ABLIM3: variants seen among roughly 807,000 people sequenced by gnomAD.
The protein encoded by ABLIM3 is actin binding LIM protein family member 3.
In ABLIM3, 61 loss-of-function variants were observed where a neutral mutation model predicts 109.5. That is an observed-to-expected ratio of 0.56 (90% CI 0.45 to 0.69). The LOEUF (loss-of-function observed/expected upper bound fraction) is 0.69. Ranked by LOEUF, ABLIM3 falls within the 30% of genes least tolerant of loss-of-function variation. The pLI, the probability that ABLIM3 is intolerant of heterozygous loss-of-function variation, is 0.00. For synonymous variants in ABLIM3, 300 were observed against 324.8 expected (o/e 0.92, Z 0.82); for missense variants, 796 against 889.5 (o/e 0.89, Z 1.34).
rs1241244264 is a variant in ABLIM3 at position 149,192,112 on chromosome 5, C to T, written c.152-6107C>T. On this transcript the variant is annotated intron_variant, in intron 3 of 23. Coordinates refer to ENST00000309868, the MANE Select transcript of ABLIM3 (RefSeq NM_014945.5). ...TGAAGGCATTCTCTAAGATCAGGAA[C>T]AAGATAGAGGTGCTCACTGTCATGA... Among the ~76,000 whole-genome samples the T allele has an allele frequency of 2.0e-5, 3 of 151,994 alleles. No individual in the cohort carries two copies. The East Asian group carries it at 5.8e-4, about 29-fold the overall frequency.
At position 149,210,736 on chromosome 5, in the gene ABLIM3, C is replaced by T; in HGVS notation, c.586C>T (p.Pro196Ser). ...TGEYISKDGV[P>S]YCESDYHAQF... is the part of the protein sequence containing the mutation. ...AACTTCTTCTTGCAGGGATGGTGTT[C>T]CATACTGTGAGTCCGACTACCATGC... Residue 196 changes from proline (P) to serine (S), a missense_variant, in exon 7 of 24, where the codon CCA becomes TCA. Coordinates refer to ENST00000309868, the MANE Select transcript of ABLIM3 (RefSeq NM_014945.5). 6.2e-7 allele frequency: 1 copy of T among 1,613,986 alleles called. No individual in the cohort carries two copies. Among genetic ancestry groups the T allele is most frequent in the African/African-American group, 1.3e-5 (1 of 75,026 alleles).
intron 2 of ABLIM3, among the ~76,000 whole-genome samples, chr5:149,164,894 C>A (rs1403063828): frequency 1.3e-5 from 2 of 152,182 alleles, no homozygotes; most frequent in East Asian, 3.8e-4. Flanking sequence ...ACAGCCTGGA[C>A]TCTAACTTGA....
intron 2 of ABLIM3, among the ~76,000 whole-genome samples, chr5:149,178,025 C>G (rs534510654): frequency 6.6e-6 from 1 of 152,284 alleles, no homozygotes; most frequent in Admixed American, 6.5e-5. Flanking sequence ...GCATCCATTC[C>G]TTACCCGCTG....
chr5:149,255,756 A>G (rs891978740), intron 23 of ABLIM3, among the ~76,000 whole-genome samples: 1 of 152,234 alleles, frequency 6.6e-6, no homozygotes, highest in African/African-American at 2.4e-5. Context: ...GAGCACAACA[A>G]AGATGAGGAG....
intron 2 of ABLIM3, among the ~76,000 whole-genome samples, chr5:149,152,174 C>A (rs759020502): frequency 5.9e-5 from 9 of 152,138 alleles, no homozygotes; most frequent in Admixed American, 1.3e-4. Flanking sequence ...GGATTGCCTG[C>A]TTTGGATGGG....
Position 149,252,117 on chromosome 5 carries a change from G to C in ABLIM3, c.1850-84G>C, listed in dbSNP as rs912265168. On this transcript the variant is annotated intron_variant, in intron 21 of 23. Coordinates refer to ENST00000309868, the MANE Select transcript of ABLIM3 (RefSeq NM_014945.5). ...ACAATAGAGGCCAGACCCCCTGAGAGAGTAGGACAGAGGCCTGTGTAGTGA... is the reference window on the plus strand; with the variant it reads ...ACAATAGAGGCCAGACCCCCTGAGACAGTAGGACAGAGGCCTGTGTAGTGA... 6.6e-6 allele frequency: 10 copies of C among 1,514,028 alleles called. No homozygotes were observed. In the East Asian group the frequency reaches 2.3e-4, roughly 34 times the overall value. 93.8% of individuals were successfully genotyped at this position (1,514,028 alleles called of 1,614,324 possible). A position where few individuals can be genotyped will look rare whatever the true frequency, so the allele number is the denominator to read the frequency against.
chr5:149,142,571 C>T (rs1752571663), intron 2 of ABLIM3, among the ~76,000 whole-genome samples: 1 of 152,162 alleles, frequency 6.6e-6, no homozygotes, highest in African/African-American at 2.4e-5. Flanking sequence ...GTTTGATAAA[C>T]AAATAATCGC....
chr5:149,245,148 G>A (rs1753224834), intron 16 of ABLIM3, 133 bp downstream of exon 16: 4 of 1,250,686 alleles, frequency 3.2e-6, no homozygotes, highest in Non-Finnish European at 4.4e-6. Flanking sequence ...AACTAAGGGT[G>A]TTTATTCATT....
At chr5:149,242,643 G>A in intron 15 of ABLIM3, 105 bp downstream of exon 15, 1 of 1,223,092 alleles carries the variant, frequency 8.2e-7, no homozygotes, top group Non-Finnish European at 1.2e-6. Context: ...AAAACACAAG[G>A]CTGCATCTTG....
intron 2 of ABLIM3, among the ~76,000 whole-genome samples, chr5:149,177,338 C>T (rs908784600): frequency 9.9e-5 from 15 of 152,214 alleles, no homozygotes; most frequent in Non-Finnish European, 1.5e-4. Context: ...TATAATCTCC[C>T]TATCAGAGTT....
At chr5:149,226,489 A>T (rs13156539) in intron 8 of ABLIM3, among the ~76,000 whole-genome samples, 10 of 151,762 alleles carry the variant, frequency 6.6e-5, no homozygotes, top group African/African-American at 2.4e-4. Context: ...TCTCAAAACA[A>T]AAAAAGAAAT....
At chr5:149,164,062 C>A (rs1310507048) in intron 2 of ABLIM3, 6 of 152,152 alleles carry the variant, frequency 3.9e-5, no homozygotes, top group Non-Finnish European at 8.8e-5. Context: ...AGCATGGTAA[C>A]CATGTTATAT....
intron 17 of ABLIM3, among the ~76,000 whole-genome samples, chr5:149,247,204 G>T (rs935961587): frequency 7.2e-5 from 11 of 152,204 alleles, no homozygotes; most frequent in Admixed American, 5.2e-4. Flanking sequence ...ACACAAGGTC[G>T]CATATTGTGT....
intron 8 of ABLIM3, among the ~76,000 whole-genome samples, chr5:149,229,525 C>T (rs1449197252): frequency 4.6e-5 from 7 of 152,164 alleles, no homozygotes; most frequent in African/African-American, 1.4e-4. Flanking sequence ...TTTTTCACTC[C>T]GATTTATTGA....
intron 14 of ABLIM3, 137 bp from the exon 15 acceptor site, chr5:149,242,354 G>C (rs1323659535): frequency 6.4e-6 from 5 of 782,942 alleles, no homozygotes; most frequent in African/African-American, 1.7e-5. Flanking sequence ...AGGGGAAAAA[G>C]ATGGTGGCCC....
At chr5:149,147,820 G>A (rs1753071680) in intron 2 of ABLIM3, among the ~76,000 whole-genome samples, 1 of 152,108 alleles carries the variant, frequency 6.6e-6, no homozygotes. Context: ...AAAATGATGA[G>A]GCATACCTCA....
At chr5:149,215,304 G>T (rs114151356) in intron 7 of ABLIM3, among the ~76,000 whole-genome samples, 3 of 152,154 alleles carry the variant, frequency 2.0e-5, no homozygotes, top group African/African-American at 7.2e-5. Flanking sequence ...AAAATAGCAG[G>T]CTCCTTCCAA....
rs1754717596 is a variant in ABLIM3, at chr5:149,259,403, CTCA to C, written c.*1005_*1007del. The C allele has an allele frequency of 6.7e-7, 1 of 1,491,932 alleles. No individual in the cohort carries two copies. The highest frequency in any genetic ancestry group is 8.9e-7 in the Non-Finnish European group (1 of 1,123,900). 92.4% of individuals were successfully genotyped at this position (1,491,932 alleles called of 1,614,324 possible). On this transcript the variant is annotated 3_prime_UTR_variant, in exon 24 of 24. Coordinates refer to ENST00000309868, the MANE Select transcript of ABLIM3 (RefSeq NM_014945.5). ...CAACTGAACAACCAGACAGACAACT[CTCA>C]TCATCCTCCAGAGAGAAAATAGGCC...
intron 3 of ABLIM3, among the ~76,000 whole-genome samples, chr5:149,196,555 G>A (rs1053033986): frequency 1.3e-5 from 2 of 152,216 alleles, no homozygotes; most frequent in African/African-American, 4.8e-5. Flanking sequence ...CCAGCACCTG[G>A]CCTCTCAGAG....
Sources: gnomAD v4.1 joint callset for allele counts (sites outside exome capture counted in the v4.1 genomes callset) on GRCh38, gnomAD v4.1.1 for gene constraint, MANE v1.5 for transcripts, NCBI Gene and HGNC (gene_info 2026-07-23, HGNC 2026-07-21) for gene names.